DIS3L2: variants seen among roughly 807,000 people sequenced by gnomAD.
The protein encoded by DIS3L2 is DIS3 like 3'-5' exoribonuclease 2.
Under a neutral mutation model 97.5 loss-of-function variants are expected in DIS3L2, and 34 were observed. The observed-to-expected ratio is 0.35, with a 90% CI of 0.27 to 0.46. The LOEUF (loss-of-function observed/expected upper bound fraction) is 0.46. Among genes scored for constraint, DIS3L2 ranks in the 20% least tolerant of loss-of-function variants. DIS3L2 has a pLI of 1.00. For missense variants in DIS3L2, 1,038 were observed against 1,146.0 expected, an observed-to-expected ratio of 0.91 and a Z score of 1.36; for synonymous variants, 435 against 445.2, an observed-to-expected ratio of 0.98 and a Z score of 0.29.
chr2:232,124,813 G>A (rs889134708), intron 6 of DIS3L2, among the ~76,000 whole-genome samples: 2 of 152,072 alleles, frequency 1.3e-5, no homozygotes, highest in African/African-American at 4.8e-5. Flanking sequence ...AGAGAAAAAA[G>A]CAGCTGGAGA....
intron 13 of DIS3L2, among the ~76,000 whole-genome samples, chr2:232,266,298 TG>T (rs1465480456): frequency 1.5e-4 from 23 of 152,344 alleles, no homozygotes; most frequent in Admixed American, 4.6e-4. Flanking sequence ...CTGTCTCTAT[TG>T]GCCTTCTCAA....
intron 14 of DIS3L2, 28 bp from the exon 15 acceptor site, chr2:232,329,785 T>TCCCCGGGGGGGGCCCC: frequency 1.7e-4 from 167 of 966,932 alleles, no homozygotes; most frequent in Middle Eastern, 3.5e-4. Flanking sequence ...ACCCCAGCGG[T>TCCCCGGGGGGGGCCCC]CCCTCCCATC....
intron 9 of DIS3L2, among the ~76,000 whole-genome samples, chr2:232,173,264 C>A (rs115576768): frequency 3.9e-5 from 6 of 152,186 alleles, no homozygotes; most frequent in African/African-American, 1.2e-4. Context: ...TTTGAGATGG[C>A]GTCTCTGTTA....
exon 14 of DIS3L2, chr2:232,343,563 G>A: frequency 1.3e-6 from 2 of 1,572,794 alleles, no homozygotes; most frequent in Non-Finnish European, 8.6e-7. Context: ...AGACAACCCA[G>A]TTGCAGATTT....
intron 9 of DIS3L2, among the ~76,000 whole-genome samples, chr2:232,170,043 T>C (rs989869407): frequency 1.3e-5 from 2 of 151,994 alleles, no homozygotes; most frequent in African/African-American, 4.8e-5. Context: ...CTCTGGAGAG[T>C]CCCTGCTTGC....
intron 16 of DIS3L2, among the ~76,000 whole-genome samples, chr2:232,332,918 A>G (rs1695784317): frequency 6.6e-6 from 1 of 152,006 alleles, no homozygotes. Context: ...TGAGGCCCGT[A>G]TTGCACAGGG....
rs117888467 is a variant in DIS3L2 at position 232,306,592 on chromosome 2, G to A, written c.1739+6473G>A. Among the ~76,000 whole-genome samples the A allele has an allele frequency of 2.0e-3, 298 of 152,280 alleles. 10 individuals carry two copies. The East Asian group carries it at 0.051, about 26-fold the overall frequency. On this transcript the variant is annotated intron_variant, in intron 14 of 20. Transcript: ENST00000325385. ...TGTGTTGGGAAGGAGGTCCACATCA[G>A]TTCAGTCTACTATCTTGTCAGAATC... is the stretch of plus-strand genomic sequence containing the variant.
chr2:232,010,029 A>G (rs886752840), intron 1 of DIS3L2, among the ~76,000 whole-genome samples: 1 of 152,182 alleles, frequency 6.6e-6, no homozygotes, highest in Non-Finnish European at 1.5e-5. Flanking sequence ...CTTCTGTACC[A>G]AGGAATTGGG....
chr2:232,236,680 G>T (rs1288039658), intron 10 of DIS3L2, among the ~76,000 whole-genome samples: 2 of 152,134 alleles, frequency 1.3e-5, no homozygotes, highest in Non-Finnish European at 2.9e-5. Flanking sequence ...AGCAAATTCA[G>T]CACTATGCTT....
chr2:232,213,661 G>GTTTTTTTTTTTTTTTTTTTTTTTT (rs67846645), intron 10 of DIS3L2, among the ~76,000 whole-genome samples: 1 of 80,740 alleles, frequency 1.2e-5, no homozygotes. Context: ...ATCATCTGTA[G>GTTTTTTTTTTTTTTTTTTTTTTTT]TTTTTTTTTT....
intron 8 of DIS3L2, among the ~76,000 whole-genome samples, chr2:232,146,522 T>G (rs1198029224): frequency 6.6e-6 from 1 of 152,190 alleles, no homozygotes; most frequent in Non-Finnish European, 1.5e-5. Flanking sequence ...CCTTTTGCTG[T>G]CCTCAGCAAT....
chr2:232,014,272 A>G (rs1000458737), intron 1 of DIS3L2, among the ~76,000 whole-genome samples: 1 of 152,218 alleles, frequency 6.6e-6, no homozygotes, highest in African/African-American at 2.4e-5. Flanking sequence ...ACGTCTAATT[A>G]CAGTATTGCT....
intron 5 of DIS3L2, among the ~76,000 whole-genome samples, chr2:232,063,350 C>T (rs1040219522): frequency 6.6e-6 from 1 of 152,094 alleles, no homozygotes; most frequent in African/African-American, 2.4e-5. Context: ...TTCTTTTAAG[C>T]ATCAAGTTGA....
At chr2:232,068,885 C>T (rs1048603963) in intron 5 of DIS3L2, among the ~76,000 whole-genome samples, 1 of 152,060 alleles carries the variant, frequency 6.6e-6, no homozygotes, top group Non-Finnish European at 1.5e-5. Flanking sequence ...GTGGCGATCT[C>T]GGCTCACTGC....
chr2:232,133,326 G>C (rs536245114), intron 7 of DIS3L2, among the ~76,000 whole-genome samples: 1 of 152,182 alleles, frequency 6.6e-6, no homozygotes, highest in African/African-American at 2.4e-5. Context: ...TACCAAGATA[G>C]CACTGCAAAG....
chr2:232,329,785 T>TGCCGGGGGGCCA, intron 14 of DIS3L2, 28 bp from the exon 15 acceptor site: 1 of 967,144 alleles, frequency 1.0e-6, no homozygotes, highest in Non-Finnish European at 1.5e-6. Context: ...ACCCCAGCGG[T>TGCCGGGGGGCCA]CCCTCCCATC....
At chr2:232,192,197 G>A (rs948093619) in intron 9 of DIS3L2, among the ~76,000 whole-genome samples, 3 of 152,116 alleles carry the variant, frequency 2.0e-5, no homozygotes, top group African/African-American at 7.2e-5. Flanking sequence ...GAAGGCTTAT[G>A]TTATACCTTT....
intron 9 of DIS3L2, among the ~76,000 whole-genome samples, chr2:232,188,967 G>A (rs1691530715): frequency 6.6e-6 from 1 of 152,178 alleles, no homozygotes; most frequent in Non-Finnish European, 1.5e-5. Context: ...ATTAAAAAAT[G>A]TTTAACATCA....
chr2:232,258,317 GC>G (rs1025965603), intron 12 of DIS3L2, among the ~76,000 whole-genome samples: 6 of 152,168 alleles, frequency 3.9e-5, no homozygotes, highest in South Asian at 2.1e-4. Context: ...AGGTGTGGTG[GC>G]TCATGCCTGT....
Sources: allele counts gnomAD v4.1 joint callset (sites outside exome capture counted in the v4.1 genomes callset), GRCh38; gene constraint gnomAD v4.1.1; transcripts MANE v1.5; gene names NCBI Gene and HGNC (gene_info 2026-07-23, HGNC 2026-07-21).